Variants in PLEK2 observed in about 807,000 individuals in gnomAD.
PLEK2 encodes the protein pleckstrin 2.
In PLEK2, 29 loss-of-function variants were observed where a neutral mutation model predicts 43.8. That is an observed-to-expected ratio of 0.66 (90% CI 0.49 to 0.90). PLEK2 has a LOEUF of 0.90. PLEK2 is among the 40% of genes least tolerant of loss of function. The pLI, the probability that PLEK2 is intolerant of heterozygous loss-of-function variation, is 0.00. For missense variants in PLEK2, 398 were observed against 448.1 expected (o/e 0.89, Z 1.01); for synonymous variants, 162 against 173.2 (o/e 0.94, Z 0.51).
Position 67,392,765 on chromosome 14 carries a change from T to G in PLEK2, c.566A>C (p.Glu189Ala), listed in dbSNP as rs1322851508. ...ACCCACAGGCCTGAGGAAGTTCTCC[T>G]CCATGAGCATGGAGGCCAGGGTCAC... Reference protein sequence around the residue: ...EAVTLASMLMEENFLRPVGVR... With the variant: ...EAVTLASMLMAENFLRPVGVR... Residue 189 changes from glutamate (E) to alanine (A), a missense_variant, in exon 5 of 9, where the codon GAG becomes GCG. Physicochemically the swap from Glu to Ala is moderately radical, Grantham distance 107. Coordinates refer to ENST00000216446, the MANE Select transcript of PLEK2 (RefSeq NM_016445.3). The G allele has an allele frequency of 6.2e-7, 1 of 1,614,046 alleles. No homozygotes were observed. Among genetic ancestry groups the G allele is most frequent in the South Asian group, 1.1e-5 (1 of 91,080 alleles).
chr14:67,403,750 G>C (rs550393459), intron 1 of PLEK2, among the ~76,000 whole-genome samples: 1 of 152,192 alleles, frequency 6.6e-6, no homozygotes, highest in Non-Finnish European at 1.5e-5. Context: ...TCTCTGTTAA[G>C]TAAATAATCT....
At chr14:67,411,136 C>CAAA (rs925514488) in intron 1 of PLEK2, among the ~76,000 whole-genome samples, 11 of 51,948 alleles carry the variant, frequency 2.1e-4, no homozygotes, top group East Asian at 1.4e-3. Flanking sequence ...GACCCTGTCT[C>CAAA]AAAAAAAAAA....
intron 1 of PLEK2, among the ~76,000 whole-genome samples, chr14:67,409,122 A>G (rs908971099): frequency 6.6e-6 from 1 of 152,116 alleles, no homozygotes; most frequent in African/African-American, 2.4e-5. Context: ...ATGTACCTGT[A>G]GTCCCAGCTA....
At chr14:67,408,295 T>TAAATAAAATAAAATA (rs571696195) in intron 1 of PLEK2, among the ~76,000 whole-genome samples, 1,507 of 116,690 alleles carry the variant, frequency 0.013, 27 homozygotes, top group African/African-American at 0.039. Context: ...TCAAAATAAA[T>TAAATAAAATAAAATA]AAATAAAATA....
rs780459560 is a variant in PLEK2, at chr14:67,393,219, C to A, written c.412G>T (p.Asp138Tyr). 4.3e-6 allele frequency: 7 copies of A among 1,613,758 alleles called. No individual in the cohort carries two copies. The East Asian group carries it at 1.6e-4, about 36-fold the overall frequency. ...CTTGAACGGATTCCGGTGTTGCTATCGTGCATCTTGTCCACAATGCGACTA... is the reference window on the plus strand; with the variant it reads ...CTTGAACGGATTCCGGTGTTGCTATAGTGCATCTTGTCCACAATGCGACTA... ...SLHRIVDKMH[D>Y]SNTGIRSSPN... The change falls in exon 4 of 9, where the codon GAT (aspartate) becomes TAT (tyrosine). Residue 138 changes from aspartate (D) to tyrosine (Y), a missense_variant. Transcript: ENST00000216446.
In PLEK2 at chr14:67,392,779, G is replaced by A. The variant is rs775790933; in HGVS notation, c.552C>T (p.Ala184=). 1.9e-6 allele frequency: 3 copies of A among 1,614,066 alleles called. No individual in the cohort carries two copies. Among genetic ancestry groups the A allele is most frequent in the South Asian group, 1.1e-5 (1 of 91,070 alleles). Residue 184 remains alanine, a synonymous_variant, in exon 5 of 9, where the codon GCC becomes GCT. Coordinates refer to ENST00000216446, the MANE Select transcript of PLEK2 (RefSeq NM_016445.3). ...TASRLEAVTL[A]SMLMEENFLR... ...GGAAGTTCTCCTCCATGAGCATGGA[G>A]GCCAGGGTCACCGCCTCCAGACGGC...
In PLEK2 at chr14:67,396,944, CTTTT is replaced by C. The variant is rs72102932; in HGVS notation, c.207+714_207+717del. Among the ~76,000 whole-genome samples the C allele has an allele frequency of 5.3e-4, 74 of 139,314 alleles. No homozygotes were observed. In the East Asian group the frequency reaches 0.011, roughly 22 times the overall value. The allele number at this position is 139,314 out of a possible 152,430, so 91.4% of individuals were successfully genotyped here. A position where few individuals can be genotyped will look rare whatever the true frequency, so the allele number is the denominator to read the frequency against. On this transcript the variant is annotated intron_variant, in intron 2 of 8. Coordinates refer to ENST00000216446, the MANE Select transcript of PLEK2 (RefSeq NM_016445.3). ...CCTTGATAAATAATTTATTGGGAGA[CTTTT>C]TTTTTTTTTTTGAGGAGTCTCATTC...
rs1223037694 is a variant in PLEK2 at position 67,412,104 on chromosome 14, C to G, written c.-45G>C. 6.1e-6 allele frequency: 9 copies of G among 1,473,560 alleles called. No individual in the cohort carries two copies. Among genetic ancestry groups the G allele is most frequent in the Non-Finnish European group, 8.1e-6 (9 of 1,112,684 alleles). The allele number at this position is 1,473,560 out of a possible 1,614,324, so 91.3% of individuals were successfully genotyped here. A position where few individuals can be genotyped will look rare whatever the true frequency, so the allele number is the denominator to read the frequency against. On this transcript the variant is annotated 5_prime_UTR_variant, in exon 1 of 9. Transcript: ENST00000216446. ...GGCCACCCCAGGTGCGCCTTCCCCG[C>G]GCCTCGCGCTCCTCGGCACCCGCGC...
intron 1 of PLEK2, among the ~76,000 whole-genome samples, chr14:67,407,744 C>T (rs1472897013): frequency 6.6e-6 from 1 of 152,128 alleles, no homozygotes; most frequent in African/African-American, 2.4e-5. Flanking sequence ...ACCCGGCAGA[C>T]CCCTAACTTT....
chr14:67,396,314 A>AT (rs1263575103), intron 2 of PLEK2, among the ~76,000 whole-genome samples: 6 of 151,200 alleles, frequency 4.0e-5, no homozygotes, highest in Non-Finnish European at 8.8e-5. Flanking sequence ...CGCCTGGCTA[A>AT]TTTTTGTATT....
At chr14:67,390,032 A>G (rs1156340685) in intron 7 of PLEK2, among the ~76,000 whole-genome samples, 1 of 152,346 alleles carries the variant, frequency 6.6e-6, no homozygotes, top group African/African-American at 2.4e-5. Flanking sequence ...TGTTTCAACA[A>G]AAACTAATGA....
chr14:67,395,724 C>A, intron 2 of PLEK2, 141 bp from the exon 3 acceptor site: 1 of 635,366 alleles, frequency 1.6e-6, no homozygotes, highest in Non-Finnish European at 2.8e-6. Flanking sequence ...AGCAGGTAGT[C>A]TTTAAAGATT....
chr14:67,408,142 C>T (rs1489663726), intron 1 of PLEK2, among the ~76,000 whole-genome samples: 6 of 151,816 alleles, frequency 4.0e-5, no homozygotes, highest in South Asian at 2.1e-4. Flanking sequence ...CAAAATTAAC[C>T]GGGCGTGGTG....
intron 7 of PLEK2, 36 bp from the exon 8 acceptor site, chr14:67,388,338 A>G: frequency 7.3e-7 from 1 of 1,363,022 alleles, no homozygotes; most frequent in Non-Finnish European, 1.1e-6. Context: ...GGAATTTGTG[A>G]ATGAACAAAA....
chr14:67,387,900 A>G (rs1326835285), intron 8 of PLEK2, among the ~76,000 whole-genome samples: 1 of 152,226 alleles, frequency 6.6e-6, no homozygotes, highest in Non-Finnish European at 1.5e-5. Context: ...TGAAATTAGT[A>G]TTATGATACA....
chr14:67,390,040 T>A (rs530454438), intron 7 of PLEK2, among the ~76,000 whole-genome samples: 2 of 152,328 alleles, frequency 1.3e-5, no homozygotes, highest in East Asian at 3.9e-4. Context: ...CAAAAACTAA[T>A]GAAAGTCATA....
At chr14:67,411,896 A>T in intron 1 of PLEK2, 122 bp downstream of exon 1, 1 of 901,646 alleles carries the variant, frequency 1.1e-6, no homozygotes, top group South Asian at 1.7e-5. Flanking sequence ...CGGTCCCACC[A>T]TGGGGGTTGG....
chr14:67,388,688 C>CT (rs947209190), intron 7 of PLEK2, among the ~76,000 whole-genome samples: 19 of 151,534 alleles, frequency 1.3e-4, no homozygotes, highest in South Asian at 2.1e-4. Context: ...GTAATCATTT[C>CT]TTTTTTTTTG....
At chr14:67,391,703 G>A (rs557552097) in intron 6 of PLEK2, among the ~76,000 whole-genome samples, 251 of 152,338 alleles carry the variant, frequency 1.6e-3, no homozygotes, top group Non-Finnish European at 3.1e-3. Context: ...CCAAGGACAG[G>A]TGATTTTGTT....
Sources: allele counts gnomAD v4.1 joint callset (sites outside exome capture counted in the v4.1 genomes callset), GRCh38; gene constraint gnomAD v4.1.1; transcripts MANE v1.5; gene names NCBI Gene and HGNC (gene_info 2026-07-23, HGNC 2026-07-21).